SDK1: variants seen among roughly 807,000 people sequenced by gnomAD.
SDK1 encodes protein sidekick-1.
A neutral mutation model predicts 245.5 loss-of-function variants in SDK1; 157 were observed. The observed-to-expected ratio is 0.64, with a 90% CI of 0.56 to 0.73. SDK1 has a LOEUF of 0.73. SDK1 is among the 30% of genes least tolerant of loss of function. SDK1 has a pLI of 0.00. For missense variants in SDK1, 3,583 were observed against 3,002.3 expected (o/e 1.19, Z -4.52); for synonymous variants, 1,647 against 1,278.5 (o/e 1.29, Z -6.15).
chr7:4,217,802 TA>T (rs201551978), intron 38 of SDK1, among the ~76,000 whole-genome samples: 2,824 of 152,264 alleles, frequency 0.019, 39 homozygotes, highest in South Asian at 0.043. Context: ...ATTAAATAAA[TA>T]AAATTCTGAC....
At chr7:3,620,325 G>A (rs530070753) in intron 2 of SDK1, among the ~76,000 whole-genome samples, 23 of 151,200 alleles carry the variant, frequency 1.5e-4, no homozygotes, top group African/African-American at 5.3e-4. Context: ...AATTTGAGAC[G>A]GAGTTTCACT....
chr7:3,521,146 C>T (rs932465380), intron 1 of SDK1, among the ~76,000 whole-genome samples: 13 of 152,278 alleles, frequency 8.5e-5, no homozygotes, highest in Admixed American at 8.5e-4. Flanking sequence ...GGTCTTTGCC[C>T]ATGAGGCTGC....
At position 3,454,388 on chromosome 7, in the gene SDK1, T is replaced by TTGTGTGTGTGTGTGTGTGTG. The variant is rs60437983; in HGVS notation, c.298+152521_298+152540dup. On this transcript the variant is annotated intron_variant, in intron 1 of 44. Coordinates refer to ENST00000404826, the MANE Select transcript of SDK1 (RefSeq NM_152744.4). ...TCGATTTTTTCGTGTTCCCCAAGAT[T>TTGTGTGTGTGTGTGTGTGTG]TGTGTGTGTGTGTGTGTGTGTGTGT... Among the ~76,000 whole-genome samples the TTGTGTGTGTGTGTGTGTGTG allele has an allele frequency of 1.8e-3, 261 of 141,790 alleles. 3 individuals carry two copies. The highest frequency in any genetic ancestry group is 7.2e-3 in the Middle Eastern group (2 of 276). 93.0% of individuals were successfully genotyped at this position (141,790 alleles called of 152,430 possible). A position where few individuals can be genotyped will look rare whatever the true frequency, so the allele number is the denominator to read the frequency against.
chr7:3,546,623 T>A (rs1779233646), intron 1 of SDK1, among the ~76,000 whole-genome samples: 2 of 152,124 alleles, frequency 1.3e-5, no homozygotes, highest in Non-Finnish European at 1.5e-5. Flanking sequence ...TGTTTAAAAT[T>A]AAGAGAAAGA....
At chr7:4,151,857 T>C (rs1480599625) in intron 30 of SDK1, among the ~76,000 whole-genome samples, 2 of 152,206 alleles carry the variant, frequency 1.3e-5, no homozygotes, top group Non-Finnish European at 2.9e-5. Context: ...GAAGGGATAT[T>C]TCCTGAGGTT....
At chr7:3,395,754 A>C (rs1781880948) in intron 1 of SDK1, among the ~76,000 whole-genome samples, 1 of 151,686 alleles carries the variant, frequency 6.6e-6, no homozygotes, top group African/African-American at 2.4e-5. Flanking sequence ...TTGTCTATTT[A>C]AGTTGTTGAA....
At chr7:4,155,224 G>T (rs1166152310) in intron 30 of SDK1, among the ~76,000 whole-genome samples, 2 of 152,034 alleles carry the variant, frequency 1.3e-5, no homozygotes, top group Admixed American at 6.6e-5. Context: ...CACCGAGAGG[G>T]TTAACTCCCC....
chr7:3,869,844 G>A (rs7789100), intron 5 of SDK1, among the ~76,000 whole-genome samples: 9,063 of 152,236 alleles, frequency 0.06, 850 homozygotes, highest in African/African-American at 0.2. Context: ...CGTTGCTTGC[G>A]AACTTTAACA....
intron 1 of SDK1, among the ~76,000 whole-genome samples, chr7:3,357,726 CT>C (rs1033457486): frequency 6.6e-6 from 1 of 152,050 alleles, no homozygotes; most frequent in African/African-American, 2.4e-5. Context: ...CCACTTTTCT[CT>C]TTTTCCCCAT....
chr7:3,454,670 T>C (rs2128592834), intron 1 of SDK1, among the ~76,000 whole-genome samples: 1 of 152,334 alleles, frequency 6.6e-6, no homozygotes, highest in South Asian at 2.1e-4. Context: ...TTTGTTGTGT[T>C]TATCAACAGT....
In SDK1 at chr7:4,127,511, G is replaced by A. The variant is rs965069533; in HGVS notation, c.3939+15G>A. On this transcript the variant is annotated intron_variant, in intron 26 of 44. Coordinates refer to ENST00000404826, the MANE Select transcript of SDK1 (RefSeq NM_152744.4). ...TGGGCTACAAGGTGTGTGATCACAG[G>A]ATGACCTCCCTTTGCTTAAAGAGTG... 4 of 1,579,080 alleles carry A rather than the reference G, an allele frequency of 2.5e-6. No homozygotes were observed. Among genetic ancestry groups the A allele is most frequent in the Non-Finnish European group, 3.5e-6 (4 of 1,148,084 alleles).
rs1338654977 is a variant in SDK1 at position 4,208,301 on chromosome 7, G to A, written c.5401+16G>A. On this transcript the variant is annotated intron_variant, in intron 37 of 44. Transcript: ENST00000404826. ...CACCAGGCCGGTAGGAGGAAGGCGGGTTTCCTTTGGGCAGGCCTCCTTGGA... is the reference window on the plus strand; with the variant it reads ...CACCAGGCCGGTAGGAGGAAGGCGGATTTCCTTTGGGCAGGCCTCCTTGGA... The A allele has an allele frequency of 4.3e-6, 7 of 1,609,696 alleles. No homozygotes were observed. In the African/African-American group the frequency reaches 8.0e-5, roughly 18 times the overall value.
intron 1 of SDK1, among the ~76,000 whole-genome samples, chr7:3,445,330 G>A (rs903698145): frequency 6.6e-6 from 1 of 152,128 alleles, no homozygotes; most frequent in Non-Finnish European, 1.5e-5. Context: ...GAGAGAGCAA[G>A]TATTTTAAAG....
chr7:3,731,562 G>A (rs183051421), intron 4 of SDK1, among the ~76,000 whole-genome samples: 1 of 152,128 alleles, frequency 6.6e-6, no homozygotes, highest in Admixed American at 6.5e-5. Context: ...CTGTTTTGTG[G>A]TTGAGATGCA....
intron 4 of SDK1, among the ~76,000 whole-genome samples, chr7:3,772,364 T>C (rs1024154882): frequency 3.3e-5 from 5 of 152,202 alleles, no homozygotes; most frequent in Non-Finnish European, 7.3e-5. Context: ...TTCAATATTA[T>C]ACAAAGTGCT....
intron 1 of SDK1, among the ~76,000 whole-genome samples, chr7:3,572,985 T>C (rs1223582819): frequency 6.6e-6 from 1 of 151,884 alleles, no homozygotes; most frequent in Non-Finnish European, 1.5e-5. Context: ...AGACGGAGCA[T>C]CTGGGGTGAC....
chr7:3,818,428 C>T (rs1400152341), intron 4 of SDK1, among the ~76,000 whole-genome samples: 2 of 152,128 alleles, frequency 1.3e-5, no homozygotes, highest in African/African-American at 4.8e-5. Context: ...TGTGGAAAAA[C>T]TGGAAAATAT....
intron 28 of SDK1, among the ~76,000 whole-genome samples, chr7:4,138,881 A>C (rs563060153): frequency 6.6e-6 from 1 of 152,210 alleles, no homozygotes; most frequent in Non-Finnish European, 1.5e-5. Flanking sequence ...CCTCCTGCAG[A>C]CCAGCATACC....
chr7:4,137,530 T>C (rs1001271135), intron 28 of SDK1, among the ~76,000 whole-genome samples: 20 of 152,298 alleles, frequency 1.3e-4, no homozygotes, highest in Middle Eastern at 3.4e-3. Context: ...AAATGTGCAG[T>C]GCCACCTCCG....
Sources: gnomAD v4.1 joint callset for allele counts (sites outside exome capture counted in the v4.1 genomes callset) on GRCh38, gnomAD v4.1.1 for gene constraint, MANE v1.5 for transcripts, NCBI Gene and HGNC (gene_info 2026-07-23, HGNC 2026-07-21) for gene names.